The following PLS3 variants were observed in gnomAD, a reference collection of about 807,000 sequenced individuals.
PLS3 encodes plastin-3.
A neutral mutation model predicts 46.5 loss-of-function variants in PLS3; 11 were observed. That is an observed-to-expected ratio of 0.24 (90% confidence interval 0.15 to 0.39). The LOEUF is 0.39. PLS3 is among the 10% of genes least tolerant of loss of function. The pLI is 1.00. For synonymous variants in PLS3, 167 were observed against 162.2 expected, an observed-to-expected ratio of 1.03 and a Z score of -0.22; for missense variants, 308 against 461.8, an observed-to-expected ratio of 0.67 and a Z score of 3.05.
chrX:115,648,775 C>G (rs782113663), intron 15 of PLS3, among the ~76,000 whole-genome samples: 30 of 112,061 alleles, frequency 2.7e-4, no homozygotes, highest in Non-Finnish European at 5.4e-4. Context: ...ATCAAGAACT[C>G]TTGAAATCTC....
chrX:115,610,210 T>G (rs782598162), intron 1 of PLS3, 33 bp from the exon 2 acceptor site: 2 of 781,604 alleles, frequency 2.6e-6, no homozygotes, highest in South Asian at 5.4e-5. Context: ...TCACAATTTT[T>G]TAAAGTCTGA....
Position 115,634,872 on chromosome X carries a change from G to A in PLS3, c.583-9G>A, listed in dbSNP as rs1556639940. ...CAAGAAGCAAGTGTGTAATTTGGCT[G>A]TCTTGCAGGAAAACTTGAACTTGGC... is the stretch of plus-strand genomic sequence containing the variant. On this transcript the variant is annotated splice_polypyrimidine_tract_variant and intron_variant, in intron 6 of 15. Transcript: ENST00000355899. 1 of 1,201,416 alleles carries A rather than the reference G, an allele frequency of 8.3e-7. No homozygotes were observed. The highest frequency in any genetic ancestry group is 1.8e-5 in the South Asian group (1 of 54,827).
Position 115,581,525 on chromosome X carries a change from C to A in PLS3, c.-9+20265C>A, listed in dbSNP as rs1456973597. On this transcript the variant is annotated intron_variant, in intron 1 of 15. Coordinates refer to ENST00000355899, the MANE Select transcript of PLS3 (RefSeq NM_005032.7). ...TTAAAAAAAGAGGGAGGCTATCAAA[C>A]TGATTAGGACTGAAGAAGAACTGAA... Among the ~76,000 whole-genome samples the A allele has an allele frequency of 3.6e-5, 4 of 111,794 alleles. No homozygotes were observed. In the East Asian group the frequency reaches 1.1e-3, roughly 31 times the overall value.
chrX:115,627,594 T>C (rs1226433704), intron 3 of PLS3, among the ~76,000 whole-genome samples: 1 of 112,288 alleles, frequency 8.9e-6, no homozygotes, highest in Non-Finnish European at 1.9e-5. Context: ...AATAAAAATA[T>C]TTTAATCATT....
At chrX:115,592,128 G>A (rs935993301) in intron 1 of PLS3, among the ~76,000 whole-genome samples, 3 of 111,824 alleles carry the variant, frequency 2.7e-5, no homozygotes, top group Non-Finnish European at 5.6e-5. Flanking sequence ...TATGCTGAGA[G>A]TTCGGTATGC....
At position 115,575,589 on chromosome X, in the gene PLS3, G is replaced by A. The variant is rs375512702; in HGVS notation, c.-9+14329G>A. Among the ~76,000 whole-genome samples the A allele has an allele frequency of 1.5e-4, 17 of 111,137 alleles. No individual in the cohort carries two copies. The South Asian group carries it at 3.4e-3, about 22-fold the overall frequency. On this transcript the variant is annotated intron_variant, in intron 1 of 15. Transcript: ENST00000355899. ...CTCCCAAGTAGCTGGGACTACAGGCGCCCGCCACCACACCTGGCTAATTTT... is the reference window on the plus strand; with the variant it reads ...CTCCCAAGTAGCTGGGACTACAGGCACCCGCCACCACACCTGGCTAATTTT...
intron 1 of PLS3, among the ~76,000 whole-genome samples, chrX:115,605,817 T>C (rs1014488002): frequency 8.9e-6 from 1 of 111,778 alleles, no homozygotes; most frequent in Non-Finnish European, 1.9e-5. Context: ...AAGAAATTAA[T>C]AATCCTTAAA....
chrX:115,611,539 CT>C (rs1390521118), intron 2 of PLS3, among the ~76,000 whole-genome samples: 4 of 110,388 alleles, frequency 3.6e-5, no homozygotes, highest in Non-Finnish European at 7.6e-5. Flanking sequence ...ATTTTTGAAC[CT>C]TTTTTAAAAT....
chrX:115,597,657 T>C (rs781880275), intron 1 of PLS3, among the ~76,000 whole-genome samples: 1 of 112,273 alleles, frequency 8.9e-6, no homozygotes, highest in East Asian at 2.8e-4. Flanking sequence ...TGGCATGATA[T>C]GGTTTTGTTC....
chrX:115,597,463 G>A (rs1268314263), intron 1 of PLS3, among the ~76,000 whole-genome samples: 1 of 111,822 alleles, frequency 8.9e-6, no homozygotes, highest in Admixed American at 9.5e-5. Flanking sequence ...CCGAATTATA[G>A]TTATTAGGTA....
intron 2 of PLS3, among the ~76,000 whole-genome samples, chrX:115,614,863 A>G (rs2074581826): frequency 8.9e-6 from 1 of 112,058 alleles, no homozygotes. Flanking sequence ...AGCTTTTCCA[A>G]AAGGATATGC....
At chrX:115,632,961 C>A (rs2074792957) in intron 5 of PLS3, among the ~76,000 whole-genome samples, 1 of 110,428 alleles carries the variant, frequency 9.1e-6, no homozygotes, top group Non-Finnish European at 1.9e-5. Flanking sequence ...GACTTGAACT[C>A]TTGAGCTCAA....
In PLS3 at chrX:115,640,053, T is replaced by TA. The variant is rs1398244078; in HGVS notation, c.892-354dup. The TA allele has an allele frequency of 3.7e-5, 34 of 907,441 alleles. No individual in the cohort carries two copies. In the African/African-American group the frequency reaches 6.5e-4, roughly 17 times the overall value. 74.8% of individuals were successfully genotyped at this position (907,441 alleles called of 1,213,427 possible). A position where few individuals can be genotyped will look rare whatever the true frequency, so the allele number is the denominator to read the frequency against. On this transcript the variant is annotated intron_variant, in intron 8 of 15. Transcript: ENST00000355899. ...TAACCTGTTTATTTTCTCTTTCTTC[T>TA]ATGCTTCCTGGATTTCTGCTCTCCT...
intron 1 of PLS3, among the ~76,000 whole-genome samples, chrX:115,568,549 T>C (rs189182854): frequency 8.9e-6 from 1 of 112,193 alleles, no homozygotes; most frequent in East Asian, 2.8e-4. Flanking sequence ...ATTTCACTAA[T>C]TCCAAGTTGT....
chrX:115,606,362 T>C (rs1556635313), intron 1 of PLS3, among the ~76,000 whole-genome samples: 1 of 108,731 alleles, frequency 9.2e-6, no homozygotes, highest in Admixed American at 9.9e-5. Context: ...GGTCTCGAAC[T>C]CCTGGGCTCA....
intron 5 of PLS3, among the ~76,000 whole-genome samples, chrX:115,630,200 C>G (rs1241484066): frequency 9.0e-6 from 1 of 111,238 alleles, no homozygotes; most frequent in East Asian, 2.8e-4. Flanking sequence ...CTTCTCAACA[C>G]CAGGCCAGCA....
At position 115,621,523 on chromosome X, in the gene PLS3, A is replaced by T. The variant is rs1376745737; in HGVS notation, c.74-723A>T. On this transcript the variant is annotated intron_variant, in intron 2 of 15. Transcript: ENST00000355899. Reference sequence around the variant, plus strand: ...CCCTCAGGACATTAGCCTTTTTCTCAATAAATTAACTTTTGGTCATTGATC... The same window carrying T: ...CCCTCAGGACATTAGCCTTTTTCTCTATAAATTAACTTTTGGTCATTGATC... 3.6e-5 allele frequency among the ~76,000 whole-genome samples: 4 copies of T among 111,750 alleles called. No homozygotes were observed. The East Asian group carries it at 1.1e-3, about 31-fold the overall frequency.
chrX:115,636,732 T>C, intron 7 of PLS3, 104 bp from the exon 8 acceptor site: 2 of 668,643 alleles, frequency 3.0e-6, no homozygotes, highest in South Asian at 7.1e-5. Context: ...GTCATAGTAG[T>C]TTTTGCACCT....
chrX:115,564,819 A>G (rs1466015329), intron 1 of PLS3, among the ~76,000 whole-genome samples: 4 of 111,990 alleles, frequency 3.6e-5, no homozygotes, highest in Admixed American at 9.5e-5. Context: ...TTGAAAATGA[A>G]TATCTCTCAA....
Sources: gnomAD v4.1 joint callset for allele counts (sites outside exome capture counted in the v4.1 genomes callset) on GRCh38, gnomAD v4.1.1 for gene constraint, MANE v1.5 for transcripts, NCBI Gene and HGNC (gene_info 2026-07-23, HGNC 2026-07-21) for gene names.